The following BAZ2B variants were observed in gnomAD, a reference collection of about 807,000 sequenced individuals.
The protein encoded by BAZ2B is bromodomain adjacent to zinc finger domain protein 2B.
A neutral mutation model predicts 246.0 loss-of-function variants in BAZ2B; 91 were observed. The ratio of observed to expected loss-of-function variants is 0.37; its 90% CI spans 0.31 to 0.44. BAZ2B has a LOEUF of 0.44. Among genes scored for constraint, BAZ2B ranks in the 20% least tolerant of loss-of-function variants. The probability of loss-of-function intolerance (pLI) is 1.00; values close to 1 mark genes in which losing one functional copy is unlikely to be tolerated. For synonymous variants in BAZ2B, 855 were observed against 860.0 expected (o/e 0.99, Z 0.10); for missense variants, 2,332 against 2,533.7 (o/e 0.92, Z 1.71).
intron 2 of BAZ2B, among the ~76,000 whole-genome samples, chr2:159,529,571 C>T (rs2085148050): frequency 6.6e-6 from 1 of 152,216 alleles, no homozygotes; most frequent in African/African-American, 2.4e-5. Context: ...GAGAGGTCTT[C>T]AGTAGCCAAT....
chr2:159,590,676 G>A (rs989021890), intron 1 of BAZ2B, among the ~76,000 whole-genome samples: 1 of 152,078 alleles, frequency 6.6e-6, no homozygotes, highest in African/African-American at 2.4e-5. Flanking sequence ...GTGAAAAGAC[G>A]CTTTAACTCA....
At chr2:159,549,552 G>A (rs1168531665) in intron 2 of BAZ2B, among the ~76,000 whole-genome samples, 1 of 152,106 alleles carries the variant, frequency 6.6e-6, no homozygotes, top group African/African-American at 2.4e-5. Context: ...AAGAGGGATT[G>A]TGTTGAACCA....
At chr2:159,621,767 C>A in the BAZ2B span, among the ~76,000 whole-genome samples, 126 of 151,330 alleles carry the variant, frequency 8.3e-4, no homozygotes, top group Non-Finnish European at 1.5e-3. Context: ...AGCTTGGGAC[C>A]AGCCTGGGCA....
chr2:159,538,802 C>G (rs1329633649), intron 2 of BAZ2B, among the ~76,000 whole-genome samples: 1 of 152,084 alleles, frequency 6.6e-6, no homozygotes, highest in Non-Finnish European at 1.5e-5. Context: ...TATCTTCTCA[C>G]CTTATGTAAA....
chr2:159,337,135 G>C (rs2065813183), intron 32 of BAZ2B, 58 bp from the exon 33 acceptor site: 1 of 1,545,152 alleles, frequency 6.5e-7, no homozygotes, highest in Admixed American at 1.9e-5. Flanking sequence ...ATTACGGAAT[G>C]TGAAACAATC....
chr2:159,513,388 A>G (rs1278239186), intron 2 of BAZ2B, among the ~76,000 whole-genome samples: 1 of 152,212 alleles, frequency 6.6e-6, no homozygotes. Flanking sequence ...TTGACTAAGT[A>G]AGTCCAATTC....
intron 27 of BAZ2B, among the ~76,000 whole-genome samples, chr2:159,352,408 T>C (rs920379540): frequency 1.3e-5 from 2 of 152,188 alleles, no homozygotes; most frequent in African/African-American, 4.8e-5. Flanking sequence ...GATGTTTGTT[T>C]ATTTTTGATT....
intron 2 of BAZ2B, among the ~76,000 whole-genome samples, chr2:159,523,509 G>T (rs1174201959): frequency 6.6e-6 from 1 of 152,026 alleles, no homozygotes; most frequent in Non-Finnish European, 1.5e-5. Context: ...TTCGAGACCA[G>T]CCTGGCCAAC....
At chr2:159,581,714 C>G (rs1686826125) in intron 1 of BAZ2B, among the ~76,000 whole-genome samples, 1 of 152,022 alleles carries the variant, frequency 6.6e-6, no homozygotes, top group Non-Finnish European at 1.5e-5. Context: ...AAATGTGGCA[C>G]ATATACACCA....
chr2:159,689,747 A>G, the BAZ2B span: 5 of 476,490 alleles, frequency 1.0e-5, no homozygotes, highest in South Asian at 2.3e-5. Flanking sequence ...GTCTTTTCCA[A>G]TGTTGTCTGG....
At chr2:159,480,555 C>T (rs532508210) in intron 2 of BAZ2B, among the ~76,000 whole-genome samples, 83 of 152,118 alleles carry the variant, frequency 5.5e-4, no homozygotes, top group Non-Finnish European at 9.0e-4. Context: ...TTTAAATAAA[C>T]GCACATGCAC....
At chr2:159,690,578 A>G in the BAZ2B span, among the ~76,000 whole-genome samples, 7 of 152,150 alleles carry the variant, frequency 4.6e-5, no homozygotes, top group African/African-American at 1.7e-4. Flanking sequence ...CTGATTTATT[A>G]TTTGAGTTAG....
intron 33 of BAZ2B, among the ~76,000 whole-genome samples, chr2:159,336,018 G>A (rs1318801637): frequency 1.3e-5 from 2 of 152,088 alleles, no homozygotes; most frequent in East Asian, 1.9e-4. Flanking sequence ...AAAATTAGCC[G>A]GGTATGGTGG....
intron 14 of BAZ2B, among the ~76,000 whole-genome samples, chr2:159,410,912 T>C (rs1008440284): frequency 1.3e-5 from 2 of 152,234 alleles, no homozygotes; most frequent in African/African-American, 4.8e-5. Context: ...AGTCCACTTA[T>C]TTTAAAAATC....
chr2:159,672,129 C>T, the BAZ2B span, among the ~76,000 whole-genome samples: 1 of 152,022 alleles, frequency 6.6e-6, no homozygotes. Flanking sequence ...ACATTCTAAA[C>T]TTTTGTATAA....
At chr2:159,600,685 T>C (rs1397865950) in intron 1 of BAZ2B, among the ~76,000 whole-genome samples, 3 of 152,132 alleles carry the variant, frequency 2.0e-5, no homozygotes, top group Non-Finnish European at 4.4e-5. Context: ...GAGGGCAAGG[T>C]TCACAATTTA....
intron 8 of BAZ2B, 98 bp from the exon 9 acceptor site, chr2:159,433,461 T>C: frequency 9.4e-7 from 1 of 1,066,590 alleles, no homozygotes; most frequent in Non-Finnish European, 1.3e-6. Context: ...ATAGCTATTA[T>C]ATCATATATA....
intron 1 of BAZ2B, among the ~76,000 whole-genome samples, chr2:159,606,774 G>A (rs921985265): frequency 6.6e-6 from 1 of 152,046 alleles, no homozygotes; most frequent in Non-Finnish European, 1.5e-5. Flanking sequence ...TTATTATTAT[G>A]ATGTAGTAAT....
the BAZ2B span, among the ~76,000 whole-genome samples, chr2:159,678,874 A>G: frequency 6.6e-6 from 1 of 152,188 alleles, no homozygotes; most frequent in African/African-American, 2.4e-5. Context: ...GTTTTCTAAC[A>G]ATATAGGTTT....
Sources: gnomAD v4.1 joint callset for allele counts (sites outside exome capture counted in the v4.1 genomes callset) on GRCh38, gnomAD v4.1.1 for gene constraint, MANE v1.5 for transcripts, NCBI Gene and HGNC (gene_info 2026-07-23, HGNC 2026-07-21) for gene names.